The following PROM1 variants were observed in gnomAD, a reference collection of about 807,000 sequenced individuals.
PROM1 encodes prominin-1.
PROM1 carries 105 observed loss-of-function variants against 116.9 expected under a neutral mutation model. The ratio of observed to expected loss-of-function variants is 0.90; its 90% CI spans 0.77 to 1.06. PROM1 has a LOEUF of 1.06. Among genes scored for constraint, PROM1 ranks in the 50% least tolerant of loss-of-function variants. The pLI, the probability that PROM1 is intolerant of heterozygous loss-of-function variation, is 0.00. For synonymous variants in PROM1, 393 were observed against 387.0 expected (o/e 1.02, Z -0.18); for missense variants, 1,122 against 1,045.2 (o/e 1.07, Z -1.01).
chr4:15,986,813 A>G (rs868270776), intron 20 of PROM1, among the ~76,000 whole-genome samples: 52 of 152,340 alleles, frequency 3.4e-4, no homozygotes, highest in African/African-American at 1.1e-3. Flanking sequence ...TGTTGGTCTC[A>G]CTGAGAAAAG....
rs900487359 is a variant in PROM1, at chr4:16,006,514, T to C, written c.1454+24A>G. 6.4e-6 allele frequency: 10 copies of C among 1,565,622 alleles called. No individual in the cohort carries two copies. In the South Asian group the frequency reaches 1.2e-4, roughly 19 times the overall value. On this transcript the variant is annotated intron_variant, in intron 13 of 27. Transcript: ENST00000447510. ...TCTCTCCTGCATTCCCACTCCCACATGACAGAGAGGAGCAGACACTCACAC... is the reference window on the plus strand; with the variant it reads ...TCTCTCCTGCATTCCCACTCCCACACGACAGAGAGGAGCAGACACTCACAC...
rs866289282 is a variant in PROM1, at chr4:15,983,536, G to A, written c.2373+727C>T. On this transcript the variant is annotated intron_variant, in intron 23 of 27. Transcript: ENST00000447510. Reference sequence around the variant, plus strand: ...GAAGAGGAGAGAGAAAGAGAAAGGCGGCGTGTGCCCATCTCCAGTCCAGGC... The same window carrying A: ...GAAGAGGAGAGAGAAAGAGAAAGGCAGCGTGTGCCCATCTCCAGTCCAGGC... Among the ~76,000 whole-genome samples the A allele has an allele frequency of 3.3e-5, 5 of 152,256 alleles. No homozygotes were observed. The East Asian group carries it at 9.6e-4, about 29-fold the overall frequency.
chr4:16,016,669 C>T lies in PROM1; in HGVS notation c.1003-429G>A, dbSNP rs114234419. ...ATATGGATTTGAAGTTCTCTAGCTC[C>T]TACCAATACTGGGACGAACATCATA... On this transcript the variant is annotated intron_variant, in intron 9 of 27. Transcript: ENST00000447510. Among the ~76,000 whole-genome samples, 1,172 of 152,252 alleles carry T rather than the reference C, an allele frequency of 7.7e-3. 5 individuals carry two copies. The highest frequency in any genetic ancestry group is 0.015 in the Admixed American group (231 of 15,290).
intron 2 of PROM1, among the ~76,000 whole-genome samples, chr4:16,047,282 G>A (rs1300331437): frequency 6.6e-6 from 1 of 152,074 alleles, no homozygotes; most frequent in Non-Finnish European, 1.5e-5. Flanking sequence ...TCAGCTCACT[G>A]TAACCTCTGC....
At position 16,013,302 on chromosome 4, in the gene PROM1, G is replaced by C; in HGVS notation, c.1114C>G (p.Gln372Glu). The C allele has an allele frequency of 6.2e-7, 1 of 1,609,280 alleles. No homozygotes were observed. Among genetic ancestry groups the C allele is most frequent in the Non-Finnish European group, 8.5e-7 (1 of 1,175,646 alleles). ...GCTACGACAGTCGTGGTTTGGCGTT[G>C]TACTCTGTCAGGTATATCATTAAGG... Reference protein sequence around the residue: ...QSLNDIPDRVQRQTTTVVAGI... With the variant: ...QSLNDIPDRVERQTTTVVAGI... The change falls in exon 11 of 28, where the codon CAA (glutamine) becomes GAA (glutamate). Residue 372 changes from glutamine to glutamate, a missense_variant. Transcript: ENST00000447510.
At chr4:16,056,508 T>C (rs1441393353) in intron 2 of PROM1, among the ~76,000 whole-genome samples, 2 of 151,890 alleles carry the variant, frequency 1.3e-5, no homozygotes, top group African/African-American at 4.8e-5. Flanking sequence ...TTAGAGTCTA[T>C]CAAGTGAGAT....
intron 2 of PROM1, among the ~76,000 whole-genome samples, chr4:16,060,322 T>TTC (rs397810062): frequency 1.3e-5 from 2 of 151,500 alleles, no homozygotes; most frequent in African/African-American, 4.8e-5. Flanking sequence ...TTTTTTTTTT[T>TTC]CCTTTGGGAC....
intron 26 of PROM1, chr4:15,971,976 G>A (rs1243281082): frequency 2.0e-5 from 3 of 152,232 alleles, no homozygotes; most frequent in African/African-American, 7.2e-5. Context: ...TGCAAGCAGG[G>A]GCTGGCTCAA....
intron 4 of PROM1, 70 bp from the exon 5 acceptor site, chr4:16,033,579 C>T: frequency 5.7e-6 from 2 of 348,644 alleles, no homozygotes; most frequent in South Asian, 1.1e-4. Context: ...CCATGGTGTA[C>T]AAAGTTCTTT....
chr4:16,045,911 G>A (rs1030815678), intron 2 of PROM1, among the ~76,000 whole-genome samples: 36 of 152,170 alleles, frequency 2.4e-4, no homozygotes, highest in African/African-American at 8.2e-4. Flanking sequence ...CCAGGCCTGA[G>A]ACACATCCAA....
Position 15,968,256 on chromosome 4 carries a change from G to A in PROM1, c.*1137C>T, listed in dbSNP as rs1713555436. ...TTTCCAAGTTCCTTTTTATTCAAAT[G>A]AATCAGAACTGCAATCTGCACATGA... On this transcript the variant is annotated 3_prime_UTR_variant, in exon 28 of 28. Coordinates refer to ENST00000447510, the MANE Select transcript of PROM1 (RefSeq NM_006017.3). 1 of 152,150 alleles carries A rather than the reference G, an allele frequency of 6.6e-6. No individual in the cohort carries two copies. Among genetic ancestry groups the A allele is most frequent in the African/African-American group, 2.4e-5 (1 of 41,424 alleles). 9.4% of individuals were successfully genotyped at this position (152,150 alleles called of 1,614,324 possible).
At chr4:16,019,658 G>C (rs1434533952) in intron 8 of PROM1, among the ~76,000 whole-genome samples, 1 of 152,188 alleles carries the variant, frequency 6.6e-6, no homozygotes, top group Non-Finnish European at 1.5e-5. Context: ...AGCCACAGCA[G>C]TAAAAGATGT....
chr4:16,041,020 A>G (rs1189148464), intron 2 of PROM1, among the ~76,000 whole-genome samples: 1 of 152,270 alleles, frequency 6.6e-6, no homozygotes, highest in Non-Finnish European at 1.5e-5. Context: ...CCTCAAAGGT[A>G]GATCCTCACG....
chr4:16,000,623 G>A lies in PROM1; in HGVS notation c.1455-4C>T. The A allele has an allele frequency of 6.5e-7, 1 of 1,540,308 alleles. No homozygotes were observed. The highest frequency in any genetic ancestry group is 8.8e-7 in the Non-Finnish European group (1 of 1,130,624). On this transcript the variant is annotated splice_polypyrimidine_tract_variant and splice_region_variant and intron_variant, in intron 13 of 27. Coordinates refer to ENST00000447510, the MANE Select transcript of PROM1 (RefSeq NM_006017.3). ...GAGGAAACTTAATCCAACTCCACTG[G>A]AAAAAAATATAAAGTTAGTAATTCA...
At chr4:16,044,359 G>A (rs1736022471) in intron 2 of PROM1, among the ~76,000 whole-genome samples, 1 of 152,210 alleles carries the variant, frequency 6.6e-6, no homozygotes, top group South Asian at 2.1e-4. Flanking sequence ...TCAGATTTGT[G>A]CCAAGCTTAA....
intron 3 of PROM1, among the ~76,000 whole-genome samples, chr4:16,038,699 C>A (rs1225420234): frequency 6.6e-6 from 1 of 152,198 alleles, no homozygotes; most frequent in Non-Finnish European, 1.5e-5. Context: ...CCACACCCGG[C>A]CTTAGTTTTT....
chr4:16,015,144 G>A (rs1727987195), intron 10 of PROM1, among the ~76,000 whole-genome samples: 1 of 151,838 alleles, frequency 6.6e-6, no homozygotes, highest in Non-Finnish European at 1.5e-5. Flanking sequence ...TCAGGAATTC[G>A]AGACCAGCCT....
intron 13 of PROM1, among the ~76,000 whole-genome samples, chr4:16,001,874 G>C (rs1198485085): frequency 2.0e-5 from 3 of 152,154 alleles, no homozygotes; most frequent in Non-Finnish European, 4.4e-5. Flanking sequence ...GTTAAGTATT[G>C]AGTGAAAGTC....
chr4:16,002,286 A>C (rs1164914842), intron 13 of PROM1, among the ~76,000 whole-genome samples: 2 of 152,242 alleles, frequency 1.3e-5, no homozygotes, highest in Non-Finnish European at 2.9e-5. Context: ...TGGCAAGTCC[A>C]TTTGAGACAG....
Sources: gnomAD v4.1 joint callset for allele counts (sites outside exome capture counted in the v4.1 genomes callset) on GRCh38, gnomAD v4.1.1 for gene constraint, MANE v1.5 for transcripts, NCBI Gene and HGNC (gene_info 2026-07-23, HGNC 2026-07-21) for gene names.